The following ANXA4 variants were observed in gnomAD, a reference collection of about 807,000 sequenced individuals.
ANXA4 encodes 35-beta calcimedin.
A neutral mutation model predicts 49.8 loss-of-function variants in ANXA4; 39 were observed. That is an observed-to-expected ratio of 0.78 (90% CI 0.61 to 1.02). The LOEUF (loss-of-function observed/expected upper bound fraction) is 1.02, where lower values mean the gene tolerates loss of function less well. ANXA4 is among the 50% of genes least tolerant of loss of function. The probability of loss-of-function intolerance (pLI) is 0.00; values close to 1 mark genes in which losing one functional copy is unlikely to be tolerated. For synonymous variants in ANXA4, 134 were observed against 152.5 expected (o/e 0.88, Z 0.89); for missense variants, 360 against 410.1 (o/e 0.88, Z 1.05).
intron 1 of ANXA4, among the ~76,000 whole-genome samples, chr2:69,748,046 G>T (rs961641073): frequency 1.3e-5 from 2 of 151,886 alleles, no homozygotes; most frequent in Non-Finnish European, 2.9e-5. Context: ...CCCTCTGAAG[G>T]TTTGCTGAAA....
At chr2:69,799,434 T>C (rs1400299791) in intron 3 of ANXA4, among the ~76,000 whole-genome samples, 1 of 152,222 alleles carries the variant, frequency 6.6e-6, no homozygotes, top group Non-Finnish European at 1.5e-5. Context: ...TATCTGTATT[T>C]TACAGCCTGA....
At chr2:69,820,388 G>A (rs1396700404) in intron 11 of ANXA4, among the ~76,000 whole-genome samples, 1 of 152,102 alleles carries the variant, frequency 6.6e-6, no homozygotes, top group Non-Finnish European at 1.5e-5. Context: ...GGCTGGGGAG[G>A]GAAGGATAAT....
intron 1 of ANXA4, among the ~76,000 whole-genome samples, chr2:69,762,733 G>A (rs904180920): frequency 2.6e-5 from 4 of 152,146 alleles, no homozygotes; most frequent in Non-Finnish European, 5.9e-5. Context: ...GGATGAGGAG[G>A]GCCAGCTATG....
At chr2:69,649,368 A>G (rs765388720) in intron 1 of ANXA4, among the ~76,000 whole-genome samples, 6 of 151,930 alleles carry the variant, frequency 3.9e-5, no homozygotes, top group South Asian at 2.1e-4. Flanking sequence ...TCCTTTTAGC[A>G]TGTTTCCATA....
chr2:69,785,934 A>T (rs367687489), intron 2 of ANXA4, among the ~76,000 whole-genome samples: 9 of 152,160 alleles, frequency 5.9e-5, no homozygotes, highest in Non-Finnish European at 8.8e-5. Context: ...GGCTTATCCT[A>T]AGTCCCTGTT....
chr2:69,756,192 G>T (rs1294856103), intron 1 of ANXA4, among the ~76,000 whole-genome samples: 2 of 152,164 alleles, frequency 1.3e-5, no homozygotes, highest in African/African-American at 4.8e-5. Context: ...AAGTTTGTAG[G>T]AATAAAACAC....
chr2:69,807,145 C>A (rs1003006077), intron 5 of ANXA4, among the ~76,000 whole-genome samples: 1 of 152,096 alleles, frequency 6.6e-6, no homozygotes, highest in African/African-American at 2.4e-5. Flanking sequence ...AAGTTCTTTT[C>A]CAAAAAGTTA....
chr2:69,772,809 G>A (rs1472821312), intron 1 of ANXA4, among the ~76,000 whole-genome samples: 1 of 152,086 alleles, frequency 6.6e-6, no homozygotes, highest in Non-Finnish European at 1.5e-5. Flanking sequence ...ATGAGGTCAG[G>A]AGATCAAGAC....
At chr2:69,789,709 C>G (rs1482879853) in intron 3 of ANXA4, among the ~76,000 whole-genome samples, 1 of 152,034 alleles carries the variant, frequency 6.6e-6, no homozygotes, top group Non-Finnish European at 1.5e-5. Flanking sequence ...CTCCTAGGGT[C>G]CAGTGGTTTG....
At chr2:69,805,046 CAA>C (rs60172949) in intron 4 of ANXA4, among the ~76,000 whole-genome samples, 1 of 35,876 alleles carries the variant, frequency 2.8e-5, no homozygotes, top group Non-Finnish European at 5.8e-5. Flanking sequence ...GACTCCATCT[CAA>C]AAAAAAAAAA....
At chr2:69,681,464 A>C (rs1677597903) in intron 2 of ANXA4, among the ~76,000 whole-genome samples, 1 of 151,100 alleles carries the variant, frequency 6.6e-6, no homozygotes, top group Non-Finnish European at 1.5e-5. Flanking sequence ...TCCTAGATTC[A>C]AGCAATTCTC....
intron 2 of ANXA4, among the ~76,000 whole-genome samples, chr2:69,710,599 C>G (rs142198248): frequency 6.6e-6 from 1 of 151,880 alleles, no homozygotes; most frequent in Non-Finnish European, 1.5e-5. Flanking sequence ...ATAACTCTTA[C>G]AAATCAATTA....
chr2:69,757,974 A>G (rs1185321248), intron 1 of ANXA4, among the ~76,000 whole-genome samples: 5 of 151,842 alleles, frequency 3.3e-5, no homozygotes, highest in South Asian at 2.1e-4. Context: ...AAAAAAAAAA[A>G]AAAAAGTACT....
At chr2:69,776,648 G>A (rs996597946) in intron 1 of ANXA4, among the ~76,000 whole-genome samples, 7 of 152,106 alleles carry the variant, frequency 4.6e-5, no homozygotes, top group Admixed American at 2.6e-4. Context: ...TTAAGGCAGG[G>A]GTGTCCAATC....
At chr2:69,823,770 G>A (rs1014321289) in intron 12 of ANXA4, among the ~76,000 whole-genome samples, 6 of 152,186 alleles carry the variant, frequency 3.9e-5, no homozygotes, top group Admixed American at 6.5e-5. Context: ...GTATGCTAGC[G>A]AGAGACTTTA....
At chr2:69,778,173 C>T (rs1043294900) in intron 1 of ANXA4, among the ~76,000 whole-genome samples, 4 of 152,118 alleles carry the variant, frequency 2.6e-5, no homozygotes, top group Non-Finnish European at 5.9e-5. Flanking sequence ...TGTGGTTTGC[C>T]GACCCTTGCT....
At chr2:69,722,760 C>T (rs182905557) in intron 3 of ANXA4, among the ~76,000 whole-genome samples, 10 of 151,280 alleles carry the variant, frequency 6.6e-5, no homozygotes, top group Non-Finnish European at 1.2e-4. Flanking sequence ...ATGTTTAAAA[C>T]GGCAAATTTT....
intron 1 of ANXA4, among the ~76,000 whole-genome samples, chr2:69,757,478 TTAGC>T (rs1170608868): frequency 5.5e-5 from 8 of 145,210 alleles, no homozygotes; most frequent in African/African-American, 1.8e-4. Flanking sequence ...TTTCACCATG[TTAGC>T]CAAGATGGTC....
At chr2:69,644,491 G>A (rs1675921673) in exon 1 of ANXA4, 1 of 152,234 alleles carries the variant, frequency 6.6e-6, no homozygotes. Context: ...ATGTTATTGA[G>A]AGCCGGCTCT....
Sources: gnomAD v4.1 joint callset for allele counts (sites outside exome capture counted in the v4.1 genomes callset) on GRCh38, gnomAD v4.1.1 for gene constraint, MANE v1.5 for transcripts, NCBI Gene and HGNC (gene_info 2026-07-23, HGNC 2026-07-21) for gene names.